GOLT1A: variants seen among roughly 807,000 people sequenced by gnomAD.
GOLT1A encodes golgi transport 1A.
A neutral mutation model predicts 16.1 loss-of-function variants in GOLT1A; 10 were observed. The ratio of observed to expected loss-of-function variants is 0.62; its 90% CI spans 0.38 to 1.05. GOLT1A has a LOEUF of 1.05. Among genes scored for constraint, GOLT1A ranks in the 50% least tolerant of loss-of-function variants. The pLI is 0.01. For synonymous variants in GOLT1A, 60 were observed against 67.9 expected (o/e 0.88, Z 0.57); for missense variants, 137 against 165.7 (o/e 0.83, Z 0.95).
At chr1:204,213,605 C>A (rs1659171087) in intron 1 of GOLT1A, among the ~76,000 whole-genome samples, 1 of 152,186 alleles carries the variant, frequency 6.6e-6, no homozygotes, top group Non-Finnish European at 1.5e-5. Context: ...GTTCTAAGAA[C>A]CCGGGATGGG....
intron 4 of GOLT1A, 24 bp from the exon 5 acceptor site, chr1:204,198,520 T>C: frequency 6.2e-7 from 1 of 1,610,324 alleles, no homozygotes; most frequent in Non-Finnish European, 8.5e-7. Context: ...GAATCATTAC[T>C]CCACACAAAG....
chr1:204,198,274 G>A lies in GOLT1A; in HGVS notation c.*184C>T. ...TTGGGGTCTGCATCTCTGCTTCCTGGCAGCCTCTTGAGTCGACTTGGGGAT... is the reference window on the plus strand; with the variant it reads ...TTGGGGTCTGCATCTCTGCTTCCTGACAGCCTCTTGAGTCGACTTGGGGAT... On this transcript the variant is annotated 3_prime_UTR_variant, in exon 5 of 5. Transcript: ENST00000308302. 1 of 583,298 alleles carries A rather than the reference G, an allele frequency of 1.7e-6. No individual in the cohort carries two copies. Among genetic ancestry groups the A allele is most frequent in the Non-Finnish European group, 3.0e-6 (1 of 332,818 alleles). The allele number at this position is 583,298 out of a possible 1,614,324, so 36.1% of individuals were successfully genotyped here. A position where few individuals can be genotyped will look rare whatever the true frequency, so the allele number is the denominator to read the frequency against.
In GOLT1A at chr1:204,198,386, AG is replaced by A; in HGVS notation, c.*71del. 1.4e-6 allele frequency: 2 copies of A among 1,381,146 alleles called. No homozygotes were observed. The highest frequency in any genetic ancestry group is 2.1e-6 in the Non-Finnish European group (2 of 970,786). 85.6% of individuals were successfully genotyped at this position (1,381,146 alleles called of 1,614,324 possible). ...GGGAGTGAGTCAGTGCAGGGGACTGAGGGGGTGGTTCCCATTCTCCCTCTAG... is the reference window on the plus strand; with the variant it reads ...GGGAGTGAGTCAGTGCAGGGGACTGAGGGGTGGTTCCCATTCTCCCTCTAG... On this transcript the variant is annotated 3_prime_UTR_variant, in exon 5 of 5. Coordinates refer to ENST00000308302, the MANE Select transcript of GOLT1A (RefSeq NM_198447.2).
chr1:204,204,437 C>T (rs528639562), intron 1 of GOLT1A, among the ~76,000 whole-genome samples: 11 of 152,264 alleles, frequency 7.2e-5, no homozygotes, highest in Non-Finnish European at 1.0e-4. Flanking sequence ...CTTATCATAA[C>T]GTTCTCAAGG....
At position 204,208,761 on chromosome 1, in the gene GOLT1A, G is replaced by C. The variant is rs564914363; in HGVS notation, c.25+5121C>G. Among the ~76,000 whole-genome samples, 30 of 152,034 alleles carry C rather than the reference G, an allele frequency of 2.0e-4. No individual in the cohort carries two copies. In the South Asian group the frequency reaches 6.0e-3, roughly 31 times the overall value. ...CTACACATTGGGTACAATGTACACT[G>C]CTCGGGTGATGGGTGCACCAAAATC... On this transcript the variant is annotated intron_variant, in intron 1 of 4. Coordinates refer to ENST00000308302, the MANE Select transcript of GOLT1A (RefSeq NM_198447.2).
rs560855118 is a variant in GOLT1A, at chr1:204,212,211, C to T, written c.25+1671G>A. 5.3e-5 allele frequency among the ~76,000 whole-genome samples: 8 copies of T among 152,284 alleles called. No homozygotes were observed. The South Asian group carries it at 8.3e-4, about 16-fold the overall frequency. On this transcript the variant is annotated intron_variant, in intron 1 of 4. Transcript: ENST00000308302. Reference sequence around the variant, plus strand: ...AAAAATATACAAGGCATTCTTGACTCCTCTTTCTCTCACACCCTATGTCCA... The same window carrying T: ...AAAAATATACAAGGCATTCTTGACTTCTCTTTCTCTCACACCCTATGTCCA...
chr1:204,207,616 C>T (rs1369204278), intron 1 of GOLT1A, among the ~76,000 whole-genome samples: 1 of 152,234 alleles, frequency 6.6e-6, no homozygotes, highest in East Asian at 1.9e-4. Flanking sequence ...AAAACAATAT[C>T]TCATGGAGCA....
In GOLT1A at chr1:204,199,312, A is replaced by G. The variant is rs1571671153; in HGVS notation, c.297-54T>C. On this transcript the variant is annotated intron_variant, in intron 3 of 4. Coordinates refer to ENST00000308302, the MANE Select transcript of GOLT1A (RefSeq NM_198447.2). Reference sequence around the variant, plus strand: ...CAGTGATGGCCCAGGAAGAGAGGATAGAGGGCACGAGGCTGAGGTCCACTG... The same window carrying G: ...CAGTGATGGCCCAGGAAGAGAGGATGGAGGGCACGAGGCTGAGGTCCACTG... The G allele has an allele frequency of 1.1e-5, 16 of 1,414,068 alleles. No homozygotes were observed. In the East Asian group the frequency reaches 3.8e-4, roughly 33 times the overall value. The allele number at this position is 1,414,068 out of a possible 1,614,324, so 87.6% of individuals were successfully genotyped here. A position where few individuals can be genotyped will look rare whatever the true frequency, so the allele number is the denominator to read the frequency against.
rs1213165424 is a variant in GOLT1A at position 204,198,249 on chromosome 1, T to G, written c.*209A>C. 1.8e-6 allele frequency: 1 copy of G among 567,692 alleles called. No homozygotes were observed. The highest frequency in any genetic ancestry group is 3.0e-5 in the East Asian group (1 of 32,922). 35.2% of individuals were successfully genotyped at this position (567,692 alleles called of 1,614,324 possible). A position where few individuals can be genotyped will look rare whatever the true frequency, so the allele number is the denominator to read the frequency against. On this transcript the variant is annotated 3_prime_UTR_variant, in exon 5 of 5. Transcript: ENST00000308302. ...TGATACCAGCCCCAGCCCAGTCTCC[T>G]TGGGGTCTGCATCTCTGCTTCCTGG...
At chr1:204,213,468 G>A (rs1449826826) in intron 1 of GOLT1A, among the ~76,000 whole-genome samples, 1 of 152,222 alleles carries the variant, frequency 6.6e-6, no homozygotes, top group Non-Finnish European at 1.5e-5. Flanking sequence ...AGGGTATGGT[G>A]GTTTGGTCAG....
intron 3 of GOLT1A, 43 bp downstream of exon 3, chr1:204,201,590 C>A (rs750189764): frequency 1.4e-5 from 22 of 1,592,700 alleles, no homozygotes; most frequent in Non-Finnish European, 1.9e-5. Context: ...GCCACTCAGA[C>A]ACTTTGGTGG....
chr1:204,208,893 A>C (rs1280875513), intron 1 of GOLT1A, among the ~76,000 whole-genome samples: 1 of 152,190 alleles, frequency 6.6e-6, no homozygotes, highest in African/African-American at 2.4e-5. Context: ...GCCAACATAC[A>C]GCCATCAAAA....
intron 1 of GOLT1A, among the ~76,000 whole-genome samples, chr1:204,207,115 G>T (rs941282152): frequency 6.6e-6 from 1 of 152,220 alleles, no homozygotes; most frequent in Non-Finnish European, 1.5e-5. Flanking sequence ...AAGTTATCCA[G>T]CCAGAGGTTA....
Position 204,200,883 on chromosome 1 carries a change from G to A in GOLT1A, c.296+750C>T, listed in dbSNP as rs144071863. 9.5e-3 allele frequency among the ~76,000 whole-genome samples: 1,445 copies of A among 152,270 alleles called. 18 individuals are homozygous for A. The highest frequency in any genetic ancestry group is 0.028 in the African/African-American group (1,184 of 41,556). On this transcript the variant is annotated intron_variant, in intron 3 of 4. Coordinates refer to ENST00000308302, the MANE Select transcript of GOLT1A (RefSeq NM_198447.2). ...ACCCCTATTCTCTCCACACCACCGT[G>A]TAGACATATGAAGTCTTCCTTCCCA...
chr1:204,200,299 GTATATA>G lies in GOLT1A; in HGVS notation c.297-1047_297-1042del, dbSNP rs141284578. Reference sequence around the variant, plus strand: ...GACTGTTTGAAAATGACATATATGTGTATATATATATATATATATATGTTTTTGTTT... The same window carrying G: ...GACTGTTTGAAAATGACATATATGTGTATATATATATATATGTTTTTGTTT... On this transcript the variant is annotated intron_variant, in intron 3 of 4. Transcript: ENST00000308302. 8.8e-4 allele frequency among the ~76,000 whole-genome samples: 73 copies of G among 82,674 alleles called. 3 individuals are homozygous for G. Among genetic ancestry groups the G allele is most frequent in the Non-Finnish European group, 1.3e-3 (54 of 42,754 alleles). 54.2% of individuals were successfully genotyped at this position (82,674 alleles called of 152,430 possible). A position where few individuals can be genotyped will look rare whatever the true frequency, so the allele number is the denominator to read the frequency against.
At chr1:204,208,460 T>TAG in intron 1 of GOLT1A, among the ~76,000 whole-genome samples, 1 of 55,768 alleles carries the variant, frequency 1.8e-5, no homozygotes, top group South Asian at 5.3e-4. Context: ...ATATGTATAC[T>TAG]TGTGTGTGTG....
At chr1:204,203,028 G>A (rs1658987171) in intron 1 of GOLT1A, 41 bp from the exon 2 acceptor site, 1 of 1,538,500 alleles carries the variant, frequency 6.5e-7, no homozygotes, top group Admixed American at 1.7e-5. Context: ...GGGCTTTGGG[G>A]AGCAGGTGGG....
chr1:204,202,976 C>T lies in GOLT1A; in HGVS notation c.37G>A (p.Gly13Arg). Reference sequence around the variant, plus strand: ...AAGAAGATGCCGAAACCGGTGATCCCCACACCAATCTCTGCAATGGGCAAG... The same window carrying T: ...AAGAAGATGCCGAAACCGGTGATCCTCACACCAATCTCTGCAATGGGCAAG... ...SITEWQKIGV[G>R]ITGFGIFFIL... Residue 13 changes from glycine to arginine, a missense_variant, in exon 2 of 5, where the codon GGG (glycine) becomes AGG (arginine). Coordinates refer to ENST00000308302, the MANE Select transcript of GOLT1A (RefSeq NM_198447.2). The T allele has an allele frequency of 1.2e-6, 2 of 1,613,902 alleles. No homozygotes were observed. Among genetic ancestry groups the T allele is most frequent in the Non-Finnish European group, 1.7e-6 (2 of 1,179,840 alleles).
intron 2 of GOLT1A, 62 bp from the exon 3 acceptor site, chr1:204,201,873 AG>A: frequency 6.6e-7 from 1 of 1,507,676 alleles, no homozygotes; most frequent in South Asian, 1.2e-5. Context: ...TGAGGGACTT[AG>A]GCCTGGAGCC....
Sources: gnomAD v4.1 joint callset for allele counts (sites outside exome capture counted in the v4.1 genomes callset) on GRCh38, gnomAD v4.1.1 for gene constraint, MANE v1.5 for transcripts, NCBI Gene and HGNC (gene_info 2026-07-23, HGNC 2026-07-21) for gene names.